PRAMEF6: variants seen among roughly 807,000 people sequenced by gnomAD.
PRAMEF6 encodes PRAME family member 6.
For missense variants in PRAMEF6, 29 were observed against 349.2 expected, an observed-to-expected ratio of 0.08 and a Z score of 7.31; for synonymous variants, 8 against 134.4, an observed-to-expected ratio of 0.06 and a Z score of 6.51.
At chr1:12,941,949 G>A (rs28597737) in intron 2 of PRAMEF6, among the ~76,000 whole-genome samples, 3,615 of 35,226 alleles carry the variant, frequency 0.1, 3 homozygotes, top group Middle Eastern at 0.14. Context: ...CCAACTCTTG[G>A]CCTCAGCCTC....
At position 12,940,081 on chromosome 1, in the gene PRAMEF6, G is replaced by C. The variant is rs1328648599; in HGVS notation, c.870-845C>G. On this transcript the variant is annotated intron_variant, in intron 3 of 3. Transcript: ENST00000376189. Reference sequence around the variant, plus strand: ...ACTTTTACAACACGGAATTAGAGATGGGATCATTCATGTTCACGAAACTGT... The same window carrying C: ...ACTTTTACAACACGGAATTAGAGATCGGATCATTCATGTTCACGAAACTGT... 0.013 allele frequency among the ~76,000 whole-genome samples: 6 copies of C among 478 alleles called. No individual in the cohort carries two copies. The Middle Eastern group carries it at 0.3, about 24-fold the overall frequency. The allele number at this position is 478 out of a possible 152,430, so 0.3% of individuals were successfully genotyped here.
intron 1 of PRAMEF6, among the ~76,000 whole-genome samples, chr1:12,946,017 A>T (rs1169793896): frequency 5.6e-5 from 1 of 17,754 alleles, no homozygotes; most frequent in Non-Finnish European, 9.6e-5. Flanking sequence ...AAAAAAAAAG[A>T]AAAAGAAAAA....
chr1:12,946,022 GAAAAAGGA>G lies in PRAMEF6; in HGVS notation c.-23+1487_-23+1494del, dbSNP rs1641755859. On this transcript the variant is annotated intron_variant, in intron 1 of 3. Transcript: ENST00000376189. ...AAAAAAAAAAAAAAAAAAAGAAAAA[GAAAAAGGA>G]GAGAGAGAGAGCTAGATTTGATTCG... Among the ~76,000 whole-genome samples, 102 of 15,378 alleles carry G rather than the reference GAAAAAGGA, an allele frequency of 6.6e-3. 1 individual carries two copies. Among genetic ancestry groups the G allele is most frequent in the Non-Finnish European group, 8.5e-3 (93 of 10,908 alleles). 10.1% of individuals were successfully genotyped at this position (15,378 alleles called of 152,430 possible). A position where few individuals can be genotyped will look rare whatever the true frequency, so the allele number is the denominator to read the frequency against.
At chr1:12,940,027 G>A (rs1359893412) in intron 3 of PRAMEF6, among the ~76,000 whole-genome samples, 1 of 2,948 alleles carries the variant, frequency 3.4e-4, no homozygotes, top group Non-Finnish European at 7.5e-4. Context: ...CATTTCCTAG[G>A]TAATTAATTT....
intron 3 of PRAMEF6, among the ~76,000 whole-genome samples, chr1:12,939,576 G>A (rs1448019475): frequency 2.7e-5 from 2 of 74,932 alleles, no homozygotes; most frequent in African/African-American, 7.8e-5. Flanking sequence ...GTGTGGTGGC[G>A]GGAGCCTGCA....
rs28728083 is a variant in PRAMEF6, at chr1:12,939,701, C to T, written c.870-465G>A. ...CAGCCTGGGTGACAGAGAGAGACTC[C>T]GCATTAAAAAAAAAAAGGAGAAAAA... On this transcript the variant is annotated intron_variant, in intron 3 of 3. Coordinates refer to ENST00000376189, the MANE Select transcript of PRAMEF6 (RefSeq NM_001010889.2). Among the ~76,000 whole-genome samples the T allele has an allele frequency of 8.8e-5, 10 of 113,286 alleles. 1 individual carries two copies. Among genetic ancestry groups the T allele is most frequent in the Admixed American group, 1.7e-4 (2 of 11,806 alleles). The allele number at this position is 113,286 out of a possible 152,430, so 74.3% of individuals were successfully genotyped here. A position where few individuals can be genotyped will look rare whatever the true frequency, so the allele number is the denominator to read the frequency against.
Position 12,941,685 on chromosome 1 carries a change from A to G in PRAMEF6, c.288-120T>C, listed in dbSNP as rs565806089. ...TTCTCCCTCTCTCTGACTTTTCTTC[A>G]CCCTGTTTTCCCCTTGGATCCTGCC... On this transcript the variant is annotated intron_variant, in intron 2 of 3. Transcript: ENST00000376189. The G allele has an allele frequency of 1.1e-4, 88 of 821,392 alleles. 8 individuals carry two copies. The highest frequency in any genetic ancestry group is 3.3e-4 in the Admixed American group (10 of 30,692). The allele number at this position is 821,392 out of a possible 1,614,324, so 50.9% of individuals were successfully genotyped here.
chr1:12,939,661 C>T (rs1391177880), intron 3 of PRAMEF6, among the ~76,000 whole-genome samples: 2 of 103,842 alleles, frequency 1.9e-5, no homozygotes, highest in African/African-American at 9.3e-5. Flanking sequence ...GAGCAGAGAT[C>T]ATGCCACTAC....
intron 3 of PRAMEF6, among the ~76,000 whole-genome samples, chr1:12,939,998 C>G (rs1389306305): frequency 1.8e-4 from 1 of 5,468 alleles, no homozygotes; most frequent in Non-Finnish European, 3.6e-4. Flanking sequence ...GCTCCCTGAC[C>G]CTCTGTTTCA....
chr1:12,940,113 CA>C (rs201562679), intron 3 of PRAMEF6, among the ~76,000 whole-genome samples: 3 of 142 alleles, frequency 0.021, no homozygotes, highest in African/African-American at 0.17. Context: ...CTGTGGGGCA[CA>C]AAGCTGATTT....
intron 3 of PRAMEF6, among the ~76,000 whole-genome samples, 161 bp from the exon 4 acceptor site, chr1:12,939,397 T>C (rs2982168): frequency 0.045 from 3,468 of 76,664 alleles, 104 homozygotes; most frequent in African/African-American, 0.11. Context: ...TGATGAAGAG[T>C]TTTGCCACCG....
chr1:12,945,980 C>CAAAAAAAAAAAAAAAAAAAAAAAA (rs75584700), intron 1 of PRAMEF6, among the ~76,000 whole-genome samples: 2 of 4,284 alleles, frequency 4.7e-4, no homozygotes, highest in Non-Finnish European at 6.2e-4. Context: ...AGGCTAGATT[C>CAAAAAAAAAAAAAAAAAAAAAAAA]AAAAAAAAAA....
intron 1 of PRAMEF6, among the ~76,000 whole-genome samples, chr1:12,942,998 G>GCTTTCT (rs1485185155): frequency 7.0e-6 from 1 of 142,708 alleles, no homozygotes; most frequent in Non-Finnish European, 1.5e-5. Flanking sequence ...ATTTAAGCTT[G>GCTTTCT]CTTTCTCTTT....
intron 3 of PRAMEF6, among the ~76,000 whole-genome samples, 175 bp from the exon 4 acceptor site, chr1:12,939,411 T>A (rs1456452303): frequency 9.4e-6 from 1 of 106,216 alleles, no homozygotes; most frequent in Admixed American, 8.7e-5. Flanking sequence ...GCCACCGAGG[T>A]CAATTCCACT....
At chr1:12,941,821 AAT>A (rs1641724447) in intron 2 of PRAMEF6, among the ~76,000 whole-genome samples, 1 of 102,810 alleles carries the variant, frequency 9.7e-6, no homozygotes, top group Non-Finnish European at 1.8e-5. Context: ...CCCGGGTTCA[AAT>A]GATTCTCCTG....
chr1:12,941,846 A>T (rs1641724870), intron 2 of PRAMEF6, among the ~76,000 whole-genome samples: 1 of 92,880 alleles, frequency 1.1e-5, no homozygotes, highest in African/African-American at 6.4e-5. Context: ...TCAACCTCAC[A>T]AGTAGCTGGG....
rs879399986 is a variant in PRAMEF6 at position 12,941,755 on chromosome 1, C to G, written c.288-190G>C. On this transcript the variant is annotated intron_variant, in intron 2 of 3. Transcript: ENST00000376189. ...TTTTCTTTTGAGACCAAGTCTCCCTCTGTCACCCAGGCTGGAGTGCAGTGG... is the reference window on the plus strand; with the variant it reads ...TTTTCTTTTGAGACCAAGTCTCCCTGTGTCACCCAGGCTGGAGTGCAGTGG... 1.9e-3 allele frequency among the ~76,000 whole-genome samples: 218 copies of G among 114,116 alleles called. 1 individual carries two copies. Among genetic ancestry groups the G allele is most frequent in the African/African-American group, 9.7e-3 (206 of 21,160 alleles). 74.9% of individuals were successfully genotyped at this position (114,116 alleles called of 152,430 possible).
rs75584700 is a variant in PRAMEF6 at position 12,945,980 on chromosome 1, C to CAAAAAAA, written c.-23+1530_-23+1536dup. Among the ~76,000 whole-genome samples, 14 of 4,288 alleles carry CAAAAAAA rather than the reference C, an allele frequency of 3.3e-3. 3 individuals carry two copies. Among genetic ancestry groups the CAAAAAAA allele is most frequent in the East Asian group, 0.012 (1 of 84 alleles). 2.8% of individuals were successfully genotyped at this position (4,288 alleles called of 152,430 possible). A position where few individuals can be genotyped will look rare whatever the true frequency, so the allele number is the denominator to read the frequency against. Reference sequence around the variant, plus strand: ...TCCAGCCTGGGAAATAGGCTAGATTCAAAAAAAAAAAAAAAAAAAAAAAAA... The same window carrying CAAAAAAA: ...TCCAGCCTGGGAAATAGGCTAGATTCAAAAAAAAAAAAAAAAAAAAAAAAAAAAAAAA... On this transcript the variant is annotated intron_variant, in intron 1 of 3. Coordinates refer to ENST00000376189, the MANE Select transcript of PRAMEF6 (RefSeq NM_001010889.2).
intron 3 of PRAMEF6, among the ~76,000 whole-genome samples, chr1:12,939,823 A>G (rs1051261130): frequency 2.5e-5 from 1 of 39,888 alleles, no homozygotes; most frequent in Admixed American, 2.6e-4. Context: ...TCTGTCAGGC[A>G]GAAAACCACA....
Sources: gnomAD v4.1 joint callset for allele counts (sites outside exome capture counted in the v4.1 genomes callset) on GRCh38, gnomAD v4.1.1 for gene constraint, MANE v1.5 for transcripts, NCBI Gene and HGNC (gene_info 2026-07-23, HGNC 2026-07-21) for gene names.